Variants in PTPRB observed in about 807,000 individuals in gnomAD.
PTPRB encodes receptor-type tyrosine-protein phosphatase beta.
Under a neutral mutation model 238.1 loss-of-function variants are expected in PTPRB, and 97 were observed. The ratio of observed to expected loss-of-function variants is 0.41; its 90% CI spans 0.35 to 0.48. PTPRB has a LOEUF of 0.48. Among genes scored for constraint, PTPRB ranks in the 20% least tolerant of loss-of-function variants. The pLI, the probability that PTPRB is intolerant of heterozygous loss-of-function variation, is 0.30. For synonymous variants in PTPRB, 970 were observed against 995.4 expected (o/e 0.97, Z 0.48); for missense variants, 2,292 against 2,681.9 (o/e 0.85, Z 3.21).
At position 70,515,963 on chromosome 12, in the gene PTPRB, G is replaced by A. The variant is rs898182763; in HGVS notation, c.*5526C>T. The A allele has an allele frequency of 6.6e-6, 1 of 151,776 alleles. No homozygotes were observed. Among genetic ancestry groups the A allele is most frequent in the Non-Finnish European group, 1.5e-5 (1 of 67,966 alleles). 9.4% of individuals were successfully genotyped at this position (151,776 alleles called of 1,614,324 possible). ...TTACCACAGTTACAAATATAAAAAT[G>A]TATTAAGCAAATACATAATTTAAAT... On this transcript the variant is annotated 3_prime_UTR_variant, in exon 34 of 34. Transcript: ENST00000334414.
chr12:70,624,125 T>G (rs370789827), intron 2 of PTPRB, among the ~76,000 whole-genome samples: 48 of 152,330 alleles, frequency 3.2e-4, no homozygotes, highest in African/African-American at 1.1e-3. Flanking sequence ...TAAAAATACA[T>G]TCTATCCAGT....
chr12:70,585,345 C>T (rs1349272312), intron 9 of PTPRB: 1 of 152,206 alleles, frequency 6.6e-6, no homozygotes, highest in African/African-American at 2.4e-5. Flanking sequence ...CTACAACGAT[C>T]CACCTATTGG....
At chr12:70,569,222 C>A (rs73342309) in intron 14 of PTPRB, among the ~76,000 whole-genome samples, 4,029 of 152,188 alleles carry the variant, frequency 0.026, 159 homozygotes, top group African/African-American at 0.091. Flanking sequence ...TCCACCTCAG[C>A]CTTCCAAGCA....
intron 12 of PTPRB, 143 bp from the exon 13 acceptor site, chr12:70,571,432 C>A: frequency 2.3e-6 from 2 of 858,104 alleles, no homozygotes; most frequent in South Asian, 3.8e-5. Flanking sequence ...CATAATTAAA[C>A]AAGAAAAATT....
At chr12:70,572,276 G>A (rs1256161875) in intron 11 of PTPRB, among the ~76,000 whole-genome samples, 189 bp from the exon 12 acceptor site, 3 of 152,122 alleles carry the variant, frequency 2.0e-5, no homozygotes, top group African/African-American at 4.8e-5. Context: ...GTGATTAAAC[G>A]GATCTTTTAA....
intron 10 of PTPRB, among the ~76,000 whole-genome samples, chr12:70,580,276 T>C (rs945098310): frequency 6.6e-6 from 1 of 152,180 alleles, no homozygotes; most frequent in Non-Finnish European, 1.5e-5. Context: ...ACGTTGCTTA[T>C]GAAAATATAT....
chr12:70,627,922 G>C (rs896645489), intron 2 of PTPRB, among the ~76,000 whole-genome samples: 2 of 152,140 alleles, frequency 1.3e-5, no homozygotes, highest in African/African-American at 4.8e-5. Context: ...GGCCAGTAAA[G>C]CCAACAACTT....
chr12:70,567,606 C>G (rs559716649), intron 14 of PTPRB, among the ~76,000 whole-genome samples: 13 of 152,264 alleles, frequency 8.5e-5, no homozygotes, highest in Admixed American at 7.2e-4. Flanking sequence ...CACATCATAC[C>G]CTTTAGCAAG....
intron 2 of PTPRB, among the ~76,000 whole-genome samples, chr12:70,626,315 C>CTA (rs1406563824): frequency 7.4e-6 from 1 of 134,392 alleles, no homozygotes; most frequent in Non-Finnish European, 1.6e-5. Flanking sequence ...ATCTATCTAT[C>CTA]TATCTATCTA....
intron 3 of PTPRB, 129 bp downstream of exon 3, chr12:70,622,261 C>T: frequency 1.5e-6 from 2 of 1,329,098 alleles, no homozygotes; most frequent in East Asian, 2.3e-5. Context: ...CAATTAGCAG[C>T]CAGGACACAG....
At chr12:70,583,226 T>G (rs1266791674) in intron 9 of PTPRB, among the ~76,000 whole-genome samples, 1 of 152,090 alleles carries the variant, frequency 6.6e-6, no homozygotes, top group African/African-American at 2.4e-5. Context: ...AAAATGACCT[T>G]AGGTCTAAAA....
Position 70,609,196 on chromosome 12 carries a change from C to CGCG in PTPRB, c.849_851dup (p.Ala284dup), listed in dbSNP as rs751866247. On this transcript the variant is annotated inframe_insertion, in exon 4 of 34. Transcript: ENST00000334414. ...TGTCTATCCGAAAGGTAGGGCACAACGCGGCCCCCAGGGTGTCACTGCTAT... is the reference window on the plus strand; with the variant it reads ...TGTCTATCCGAAAGGTAGGGCACAACGCGGCGGCCCCCAGGGTGTCACTGCTAT... 1.8e-5 allele frequency: 29 copies of CGCG among 1,613,946 alleles called. No homozygotes were observed. The highest frequency in any genetic ancestry group is 2.4e-5 in the Non-Finnish European group (28 of 1,179,908).
chr12:70,589,230 A>C (rs149435972), intron 8 of PTPRB, among the ~76,000 whole-genome samples: 3 of 152,312 alleles, frequency 2.0e-5, no homozygotes, highest in Non-Finnish European at 4.4e-5. Flanking sequence ...GGGTGTCATG[A>C]TCCTTTTCTT....
rs1188347592 is a variant in PTPRB, at chr12:70,564,836, AAATAATAAATAATAATAATAAT to A, written c.3904+1577_3904+1598del. ...TGCCAGAGCGAGGTTCTGTCTCCAA[AAATAATAAATAATAATAATAAT>A]AATAATAATAATAATAATAATAATA... On this transcript the variant is annotated intron_variant, in intron 15 of 33. Transcript: ENST00000334414. Among the ~76,000 whole-genome samples, 234 of 32,782 alleles carry A rather than the reference AAATAATAAATAATAATAATAAT, an allele frequency of 7.1e-3. 3 individuals are homozygous for A. Among genetic ancestry groups the A allele is most frequent in the African/African-American group, 0.017 (215 of 12,646 alleles). The allele number at this position is 32,782 out of a possible 152,430, so 21.5% of individuals were successfully genotyped here. A position where few individuals can be genotyped will look rare whatever the true frequency, so the allele number is the denominator to read the frequency against.
chr12:70,566,290 A>G lies in PTPRB; in HGVS notation c.3904+145T>C, dbSNP rs1381402405. 3 of 1,036,170 alleles carry G rather than the reference A, an allele frequency of 2.9e-6. 1 individual carries two copies. Among genetic ancestry groups the G allele is most frequent in the Non-Finnish European group, 4.1e-6 (3 of 731,414 alleles). The allele number at this position is 1,036,170 out of a possible 1,614,324, so 64.2% of individuals were successfully genotyped here. ...GCGTGGATAGGGCAACTGACATGGA[A>G]GTGGCAAATCAGGGTGAATGTTCCC... is the stretch of plus-strand genomic sequence containing the variant. On this transcript the variant is annotated intron_variant, in intron 15 of 33. Transcript: ENST00000334414.
Position 70,569,682 on chromosome 12 carries a change from C to A in PTPRB, c.3627G>T (p.Gly1209=), listed in dbSNP as rs750501142. The A allele has an allele frequency of 6.2e-7, 1 of 1,613,786 alleles. No homozygotes were observed. Among genetic ancestry groups the A allele is most frequent in the South Asian group, 1.1e-5 (1 of 91,064 alleles). Reference sequence around the variant, plus strand: ...CTCCAGGTGGATGCTTACCTGTCCGCCCAACCACATTTATCTGATTCTTCA... The same window carrying A: ...CTCCAGGTGGATGCTTACCTGTCCGACCAACCACATTTATCTGATTCTTCA... ...GSLKNQINVV[G]RTVPASVQGV... Residue 1209 remains glycine, a synonymous_variant, in exon 14 of 34, where the codon GGG becomes GGT. Transcript: ENST00000334414.
At chr12:70,547,016 T>C (rs954507801) in intron 21 of PTPRB, among the ~76,000 whole-genome samples, 1 of 151,922 alleles carries the variant, frequency 6.6e-6, no homozygotes, top group Admixed American at 6.6e-5. Flanking sequence ...TCCTTTTTTT[T>C]TTTGTTTTTG....
chr12:70,604,439 A>G (rs980658161), intron 4 of PTPRB, among the ~76,000 whole-genome samples: 1 of 152,170 alleles, frequency 6.6e-6, no homozygotes, highest in Non-Finnish European at 1.5e-5. Context: ...GTGTGCATCG[A>G]TTCACTCTGA....
Position 70,555,926 on chromosome 12 carries a change from T to C in PTPRB, c.4937A>G (p.Gln1646Arg), listed in dbSNP as rs201498121. ...CACCTCGCTGGTCATGCCGGCCGAC[T>C]GCACTTTGATGGACACCAGGTACCT... ...HKRYLVSIKV[Q>R]SAGMTSEVVE... Residue 1646 changes from glutamine (Q) to arginine (R), a missense_variant, in exon 19 of 34, where the codon CAG becomes CGG. Around this residue, in one of 4 missense-constraint regions of PTPRB, gnomAD observed 683 missense variants for 862.0 expected, o/e 0.79. Transcript: ENST00000334414. 1.1e-4 allele frequency: 170 copies of C among 1,613,852 alleles called. No homozygotes were observed. In the African/African-American group the frequency reaches 2.0e-3, roughly 19 times the overall value.
Sources: allele counts gnomAD v4.1 joint callset (sites outside exome capture counted in the v4.1 genomes callset), GRCh38; gene constraint gnomAD v4.1.1; regional missense constraint gnomAD v4.1.1; transcripts MANE v1.5; gene names NCBI Gene and HGNC (gene_info 2026-07-23, HGNC 2026-07-21).